TSPAN3: variants seen among roughly 807,000 people sequenced by gnomAD.
TSPAN3 encodes tetraspanin 3.
A neutral mutation model predicts 31.1 loss-of-function variants in TSPAN3; 9 were observed. The observed-to-expected ratio is 0.29, with a 90% CI of 0.17 to 0.50. The LOEUF (loss-of-function observed/expected upper bound fraction) is 0.50. Ranked by LOEUF, TSPAN3 falls within the 20% of genes least tolerant of loss-of-function variation. TSPAN3 has a pLI of 0.98. For synonymous variants in TSPAN3, 129 were observed against 114.3 expected (o/e 1.13, Z -0.82); for missense variants, 252 against 313.5 (o/e 0.80, Z 1.48).
chr15:77,043,644 A>C lies in TSPAN3; in HGVS notation c.*3191T>G, dbSNP rs1596152771. ...AGACAAAGCTATGGAAATGATCCAG[A>C]TTAAAGAAGACCAAGGAGACATGAC... On this transcript the variant is annotated 3_prime_UTR_variant, in exon 7 of 7. Transcript: ENST00000267970. The C allele has an allele frequency of 6.6e-6, 1 of 152,290 alleles. No individual in the cohort carries two copies. Among genetic ancestry groups the C allele is most frequent in the South Asian group, 2.1e-4 (1 of 4,834 alleles). 9.4% of individuals were successfully genotyped at this position (152,290 alleles called of 1,614,324 possible).
At chr15:77,060,694 CA>C (rs2152697102) in intron 1 of TSPAN3, among the ~76,000 whole-genome samples, 1 of 146,454 alleles carries the variant, frequency 6.8e-6, no homozygotes, top group South Asian at 2.2e-4. Context: ...AAAGCAGCTG[CA>C]AAGGAGGGGG....
intron 1 of TSPAN3, 151 bp from the exon 2 acceptor site, chr15:77,056,406 C>T: frequency 1.8e-6 from 1 of 557,960 alleles, no homozygotes; most frequent in Non-Finnish European, 3.0e-6. Flanking sequence ...TTGTTAAGAG[C>T]ATTTCTATAC....
chr15:77,048,850 T>A (rs762247427), intron 6 of TSPAN3, among the ~76,000 whole-genome samples: 1 of 151,996 alleles, frequency 6.6e-6, no homozygotes, highest in East Asian at 1.9e-4. Flanking sequence ...CAAAGTAAAA[T>A]GTTCTATGAT....
At position 77,042,132 on chromosome 15, in the gene TSPAN3, A is replaced by C. The variant is rs147447028; in HGVS notation, c.*4703T>G. The stretch of plus-strand genomic sequence containing the variant: ...GATCTTGTAGGATAAAATTCCTATT[A>C]GCAAAAAGCAAAAACCAAAACCCAA... On this transcript the variant is annotated 3_prime_UTR_variant, in exon 7 of 7. Transcript: ENST00000267970. The C allele has an allele frequency of 6.6e-6, 1 of 152,258 alleles. No homozygotes were observed. Among genetic ancestry groups the C allele is most frequent in the Non-Finnish European group, 1.5e-5 (1 of 68,056 alleles). 9.4% of individuals were successfully genotyped at this position (152,258 alleles called of 1,614,324 possible).
At chr15:77,050,739 T>C (rs2076724952) in intron 6 of TSPAN3, among the ~76,000 whole-genome samples, 1 of 152,210 alleles carries the variant, frequency 6.6e-6, no homozygotes, top group Non-Finnish European at 1.5e-5. Flanking sequence ...TTTAGCTAAA[T>C]GAATGTGTTT....
chr15:77,047,825 T>C (rs1272224167), intron 6 of TSPAN3, among the ~76,000 whole-genome samples: 1 of 152,196 alleles, frequency 6.6e-6, no homozygotes, highest in Non-Finnish European at 1.5e-5. Flanking sequence ...AAAGCCTCAG[T>C]TATTTGATTT....
intron 1 of TSPAN3, among the ~76,000 whole-genome samples, chr15:77,056,967 A>T (rs1055300282): frequency 2.0e-5 from 3 of 152,216 alleles, no homozygotes; most frequent in African/African-American, 7.2e-5. Context: ...CATTTCTAAC[A>T]AGTTCCCAGG....
intron 1 of TSPAN3, among the ~76,000 whole-genome samples, chr15:77,060,388 T>C (rs1239138828): frequency 6.6e-6 from 1 of 152,194 alleles, no homozygotes; most frequent in Non-Finnish European, 1.5e-5. Context: ...TTTGAAAATA[T>C]AGAAGAGGTA....
intron 6 of TSPAN3, among the ~76,000 whole-genome samples, chr15:77,048,121 T>C (rs567385897): frequency 6.6e-6 from 1 of 152,352 alleles, no homozygotes; most frequent in South Asian, 2.1e-4. Context: ...TTTCACCATT[T>C]GCAAAGCACC....
chr15:77,060,444 G>A (rs1568543931), intron 1 of TSPAN3, among the ~76,000 whole-genome samples: 1 of 152,178 alleles, frequency 6.6e-6, no homozygotes, highest in Non-Finnish European at 1.5e-5. Context: ...AGTAATTGTT[G>A]TAATGATATC....
chr15:77,050,740 G>C (rs1035570589), intron 6 of TSPAN3, among the ~76,000 whole-genome samples: 8 of 152,184 alleles, frequency 5.3e-5, no homozygotes, highest in Admixed American at 3.3e-4. Flanking sequence ...TTAGCTAAAT[G>C]AATGTGTTTG....
chr15:77,063,735 T>C (rs1371141423), intron 1 of TSPAN3: 1 of 152,210 alleles, frequency 6.6e-6, no homozygotes, highest in Admixed American at 6.5e-5. Context: ...TAATCCAATA[T>C]CTACTGGCTG....
intron 4 of TSPAN3, 49 bp from the exon 5 acceptor site, chr15:77,052,978 G>T: frequency 6.4e-7 from 1 of 1,550,618 alleles, no homozygotes. Context: ...CCAAATACCT[G>T]AAGTTCCATG....
In TSPAN3 at chr15:77,046,384, A is replaced by G. The variant is rs2076691082; in HGVS notation, c.*451T>C. The G allele has an allele frequency of 2.5e-6, 1 of 402,522 alleles. No homozygotes were observed. Among genetic ancestry groups the G allele is most frequent in the East Asian group, 3.5e-5 (1 of 28,174 alleles). The allele number at this position is 402,522 out of a possible 1,614,324, so 24.9% of individuals were successfully genotyped here. On this transcript the variant is annotated 3_prime_UTR_variant, in exon 7 of 7. Coordinates refer to ENST00000267970, the MANE Select transcript of TSPAN3 (RefSeq NM_005724.6). ...GTAAATATTTTTTAAAAGGACACCA[A>G]TGAGGGGCACCATCTGGTGTTAACC...
At chr15:77,069,737 A>C (rs1228201812) in intron 1 of TSPAN3, 1 of 152,360 alleles carries the variant, frequency 6.6e-6, no homozygotes, top group Non-Finnish European at 1.5e-5. Context: ...GATTCTTTCC[A>C]GAACAGGTGT....
intron 4 of TSPAN3, among the ~76,000 whole-genome samples, chr15:77,053,650 T>C (rs1440969434): frequency 6.6e-6 from 1 of 152,062 alleles, no homozygotes; most frequent in African/African-American, 2.4e-5. Flanking sequence ...TGCTTTAAGA[T>C]AATGAAGCAA....
At chr15:77,068,218 C>G (rs931046240) in intron 1 of TSPAN3, 2 of 152,212 alleles carry the variant, frequency 1.3e-5, no homozygotes, top group African/African-American at 4.8e-5. Flanking sequence ...CCCAGCGTAT[C>G]TGCTTAACTT....
intron 1 of TSPAN3, among the ~76,000 whole-genome samples, chr15:77,069,321 G>A (rs765086894): frequency 9.2e-5 from 14 of 152,146 alleles, no homozygotes; most frequent in African/African-American, 2.9e-4. Flanking sequence ...AGCAAAAGAT[G>A]CCCTTATAAT....
At chr15:77,064,415 T>C (rs1480626841) in intron 1 of TSPAN3, 2 of 152,142 alleles carry the variant, frequency 1.3e-5, no homozygotes, top group African/African-American at 4.8e-5. Flanking sequence ...ACAAACTTTA[T>C]GGAATACATT....
Sources: allele counts gnomAD v4.1 joint callset (sites outside exome capture counted in the v4.1 genomes callset), GRCh38; gene constraint gnomAD v4.1.1; transcripts MANE v1.5; gene names NCBI Gene and HGNC (gene_info 2026-07-23, HGNC 2026-07-21).